PPAT: variants seen among roughly 807,000 people sequenced by gnomAD.
The protein encoded by PPAT is amidophosphoribosyltransferase.
A neutral mutation model predicts 60.2 loss-of-function variants in PPAT; 20 were observed. The ratio of observed to expected loss-of-function variants is 0.33; its 90% CI spans 0.23 to 0.48. PPAT has a LOEUF of 0.48. PPAT is among the 20% of genes least tolerant of loss of function. The pLI is 0.99. For missense variants in PPAT, 349 were observed against 629.6 expected, an observed-to-expected ratio of 0.55 and a Z score of 4.77; for synonymous variants, 194 against 215.1, an observed-to-expected ratio of 0.90 and a Z score of 0.86.
intron 1 of PPAT, among the ~76,000 whole-genome samples, chr4:56,433,395 A>C: frequency 9.1e-6 from 1 of 109,742 alleles, no homozygotes; most frequent in African/African-American, 3.5e-5. Flanking sequence ...AATGGTATTC[A>C]TTAAAAAAAA....
In PPAT at chr4:56,395,236, A is replaced by C; in HGVS notation, c.*116T>G. ...AAAAAAAATCTCAAAACTTATAAAC[A>C]TAAGCATGGCATTTTACATTGTACC... On this transcript the variant is annotated 3_prime_UTR_variant, in exon 11 of 11. Coordinates refer to ENST00000264220, the MANE Select transcript of PPAT (RefSeq NM_002703.5). The C allele has an allele frequency of 9.4e-6, 9 of 958,852 alleles. No individual in the cohort carries two copies. Among genetic ancestry groups the C allele is most frequent in the Non-Finnish European group, 1.4e-5 (9 of 661,918 alleles). 59.4% of individuals were successfully genotyped at this position (958,852 alleles called of 1,614,324 possible).
intron 1 of PPAT, among the ~76,000 whole-genome samples, chr4:56,417,196 T>A (rs1379806967): frequency 6.6e-6 from 1 of 151,718 alleles, no homozygotes; most frequent in East Asian, 1.9e-4. Flanking sequence ...TACTTCTAAC[T>A]TACATAATAG....
intron 5 of PPAT, among the ~76,000 whole-genome samples, chr4:56,402,749 G>T (rs1716143771): frequency 6.7e-6 from 1 of 149,300 alleles, no homozygotes; most frequent in Non-Finnish European, 1.5e-5. Flanking sequence ...CTGGGAGGTG[G>T]AGGTTGCAGT....
chr4:56,428,369 G>A (rs950721826), intron 1 of PPAT, among the ~76,000 whole-genome samples: 1 of 152,106 alleles, frequency 6.6e-6, no homozygotes, highest in Admixed American at 6.5e-5. Flanking sequence ...AAAATTAAGC[G>A]AATGCTTGAA....
chr4:56,412,530 G>C (rs1396676368), intron 1 of PPAT, among the ~76,000 whole-genome samples: 1 of 152,044 alleles, frequency 6.6e-6, no homozygotes, highest in Non-Finnish European at 1.5e-5. Flanking sequence ...TTGAACTCCT[G>C]GGTTCAAGAG....
chr4:56,399,192 G>T lies in PPAT; in HGVS notation c.1223C>A (p.Ser408Tyr). The change falls in exon 9 of 11, where the codon TCT (serine) becomes TAT (tyrosine). Residue 408 changes from serine (S) to tyrosine (Y), a missense_variant. Transcript: ENST00000264220. Reference protein sequence around the residue: ...ISPIIKLLKESGAKEVHIRVA... With the variant: ...ISPIIKLLKEYGAKEVHIRVA... ...AATATTACTTACCTCTTTTGCACCAGATTCTTTGAGCAGTTTTATTATAGG... is the reference window on the plus strand; with the variant it reads ...AATATTACTTACCTCTTTTGCACCATATTCTTTGAGCAGTTTTATTATAGG... 6.2e-7 allele frequency: 1 copy of T among 1,609,466 alleles called. No individual in the cohort carries two copies. The highest frequency in any genetic ancestry group is 8.5e-7 in the Non-Finnish European group (1 of 1,175,900).
At chr4:56,427,103 A>C (rs1165329667) in intron 1 of PPAT, among the ~76,000 whole-genome samples, 1 of 152,184 alleles carries the variant, frequency 6.6e-6, no homozygotes, top group Non-Finnish European at 1.5e-5. Flanking sequence ...CATTGTATGG[A>C]TACACCATTT....
At position 56,435,588 on chromosome 4, in the gene PPAT, T is replaced by C. The variant is rs1300485565; in HGVS notation, c.-111A>G. ...AGAAGCTCGCGCTCGCGACAGGCTC[T>C]TCCTTCCCGAGGGTGGCCCCAGCTA... is the stretch of plus-strand genomic sequence containing the variant. On this transcript the variant is annotated 5_prime_UTR_variant, in exon 1 of 11. Transcript: ENST00000264220. 2 of 1,565,288 alleles carry C rather than the reference T, an allele frequency of 1.3e-6. No individual in the cohort carries two copies. Among genetic ancestry groups the C allele is most frequent in the Non-Finnish European group, 1.7e-6 (2 of 1,151,428 alleles).
Position 56,395,548 on chromosome 4 carries a change from C to T in PPAT, c.1358G>A (p.Gly453Glu). The T allele has an allele frequency of 6.6e-7, 1 of 1,519,338 alleles. No individual in the cohort carries two copies. The highest frequency in any genetic ancestry group is 8.8e-7 in the Non-Finnish European group (1 of 1,141,520). 94.1% of individuals were successfully genotyped at this position (1,519,338 alleles called of 1,614,324 possible). ...PEFDHLAEYL[G>E]ANSVVYLSVE... ...TGACAGATACACAACACTGTTTGCTCCTAAAGAAAGAGGGAAAAATAAAAA... is the reference window on the plus strand; with the variant it reads ...TGACAGATACACAACACTGTTTGCTTCTAAAGAAAGAGGGAAAAATAAAAA... Residue 453 changes from glycine to glutamate, a missense_variant and splice_region_variant, in exon 11 of 11, where the codon GGA (glycine) becomes GAA (glutamate). By Grantham distance (98) the Gly-to-Glu change is moderately conservative. This residue lies in a region of PPAT where 167 missense variants were observed against 328.6 expected (regional missense o/e 0.51). Transcript: ENST00000264220.
At chr4:56,413,973 T>A (rs1716595877) in intron 1 of PPAT, among the ~76,000 whole-genome samples, 1 of 152,228 alleles carries the variant, frequency 6.6e-6, no homozygotes. Context: ...ATATACAAAT[T>A]GGTAACTTTT....
At position 56,407,729 on chromosome 4, in the gene PPAT, A is replaced by G; in HGVS notation, c.129-13T>C. 1 of 1,585,044 alleles carries G rather than the reference A, an allele frequency of 6.3e-7. No homozygotes were observed. Among genetic ancestry groups the G allele is most frequent in the Non-Finnish European group, 8.7e-7 (1 of 1,153,314 alleles). ...ACTCTCCTGACCCCTGTGAATATAAAAAGATATTAGCTGTTAAATCTGCCA... is the reference window on the plus strand; with the variant it reads ...ACTCTCCTGACCCCTGTGAATATAAGAAGATATTAGCTGTTAAATCTGCCA... On this transcript the variant is annotated splice_polypyrimidine_tract_variant and intron_variant, in intron 1 of 10. Transcript: ENST00000264220.
chr4:56,417,435 T>C (rs1716815817), intron 1 of PPAT, among the ~76,000 whole-genome samples: 2 of 152,164 alleles, frequency 1.3e-5, no homozygotes, highest in South Asian at 4.1e-4. Flanking sequence ...ATTTGTATGA[T>C]AGGGGCCAAA....
At chr4:56,397,301 T>C (rs1248562562) in intron 9 of PPAT, among the ~76,000 whole-genome samples, 1 of 152,218 alleles carries the variant, frequency 6.6e-6, no homozygotes. Context: ...CCAGGTTCTT[T>C]GACTTTATTC....
intron 1 of PPAT, among the ~76,000 whole-genome samples, chr4:56,417,292 A>T (rs1716809398): frequency 6.6e-6 from 1 of 152,208 alleles, no homozygotes; most frequent in South Asian, 2.1e-4. Flanking sequence ...AACCTAAATA[A>T]GAAAAAAAAT....
chr4:56,417,003 T>C (rs568526933), intron 1 of PPAT, among the ~76,000 whole-genome samples: 21 of 152,140 alleles, frequency 1.4e-4, no homozygotes, highest in Non-Finnish European at 2.8e-4. Flanking sequence ...GAGCGCACCA[T>C]CACGCCCAGC....
intron 1 of PPAT, among the ~76,000 whole-genome samples, chr4:56,416,987 T>C (rs1391999839): frequency 1.3e-5 from 2 of 152,138 alleles, no homozygotes; most frequent in East Asian, 3.8e-4. Context: ...CTAGCTGGGA[T>C]TACAGGAGCG....
chr4:56,403,299 A>C lies in PPAT; in HGVS notation c.505T>G (p.Trp169Gly). 1 of 1,612,764 alleles carries C rather than the reference A, an allele frequency of 6.2e-7. No individual in the cohort carries two copies. Among genetic ancestry groups the C allele is most frequent in the Non-Finnish European group, 8.5e-7 (1 of 1,178,748 alleles). ...PPQEQDDTPD[W>G]VARIKNLMKE... is the part of the protein sequence containing the mutation. The stretch of plus-strand genomic sequence containing the variant: ...CAGTTCTCTGCTTACCTGGCTACCC[A>C]GTCTGGGGTGTCATCTTGTTCCTGA... Residue 169 changes from tryptophan to glycine, a missense_variant, in exon 4 of 11, where the codon TGG becomes GGG. Coordinates refer to ENST00000264220, the MANE Select transcript of PPAT (RefSeq NM_002703.5).
intron 1 of PPAT, among the ~76,000 whole-genome samples, chr4:56,428,229 A>G (rs1717395900): frequency 6.6e-6 from 1 of 152,252 alleles, no homozygotes. Context: ...ATAATTATAA[A>G]TCATGTTGAT....
chr4:56,413,001 T>C (rs12501502), intron 1 of PPAT, among the ~76,000 whole-genome samples: 33,170 of 121,152 alleles, frequency 0.27, 4,082 homozygotes, highest in East Asian at 0.43. Flanking sequence ...AATATTTAAC[T>C]GAGTGTGGGT....
Sources: allele counts gnomAD v4.1 joint callset (sites outside exome capture counted in the v4.1 genomes callset), GRCh38; gene constraint gnomAD v4.1.1; regional missense constraint gnomAD v4.1.1; transcripts MANE v1.5; gene names NCBI Gene and HGNC (gene_info 2026-07-23, HGNC 2026-07-21).